The following RUNX2 variants were observed in gnomAD, a reference collection of about 807,000 sequenced individuals.
RUNX2 encodes runt-related transcription factor 2.
A neutral mutation model predicts 51.7 loss-of-function variants in RUNX2; 10 were observed. The observed-to-expected ratio is 0.19, with a 90% CI of 0.12 to 0.33. RUNX2 has a LOEUF of 0.33. Ranked by LOEUF, RUNX2 falls within the 10% of genes least tolerant of loss-of-function variation. RUNX2 has a pLI of 1.00. For missense variants in RUNX2, 562 were observed against 691.3 expected (o/e 0.81, Z 2.10); for synonymous variants, 276 against 273.6 (o/e 1.01, Z -0.09).
At chr6:45,386,636 G>T (rs1031949879) in intron 2 of RUNX2, among the ~76,000 whole-genome samples, 4 of 152,132 alleles carry the variant, frequency 2.6e-5, no homozygotes, top group East Asian at 1.9e-4. Flanking sequence ...TAAATGTTGG[G>T]TTTTTTTGTC....
intron 5 of RUNX2, among the ~76,000 whole-genome samples, chr6:45,485,693 G>GTATATATATATATATATATATA (rs1257977356): frequency 4.3e-4 from 44 of 101,816 alleles, no homozygotes; most frequent in African/African-American, 1.1e-3. Flanking sequence ...GTGTGTGTGT[G>GTATATATATATATATATATATA]TGTGTATATA....
At chr6:45,434,538 C>A (rs932069460) in intron 4 of RUNX2, among the ~76,000 whole-genome samples, 3 of 152,030 alleles carry the variant, frequency 2.0e-5, no homozygotes, top group Non-Finnish European at 4.4e-5. Flanking sequence ...CTGACTTTGA[C>A]TTTATGGGTC....
intron 2 of RUNX2, among the ~76,000 whole-genome samples, chr6:45,331,100 G>T (rs1787385019): frequency 7.2e-6 from 1 of 138,368 alleles, no homozygotes; most frequent in Non-Finnish European, 1.6e-5. Flanking sequence ...CAAATACAAT[G>T]AGTGGTGTGT....
chr6:45,454,704 T>C (rs1032198525), intron 5 of RUNX2, among the ~76,000 whole-genome samples: 2 of 152,228 alleles, frequency 1.3e-5, no homozygotes, highest in African/African-American at 4.8e-5. Context: ...GTATGTACTT[T>C]TGTTACAGCA....
At chr6:45,348,077 CT>C (rs1344884341) in intron 2 of RUNX2, among the ~76,000 whole-genome samples, 1 of 151,952 alleles carries the variant, frequency 6.6e-6, no homozygotes, top group African/African-American at 2.4e-5. Flanking sequence ...AAATGGCCTG[CT>C]TATGTCTAGC....
rs1802543540 is a variant in RUNX2, at chr6:45,550,833, A to T, written c.*3528A>T. The T allele has an allele frequency of 6.6e-6, 1 of 152,644 alleles. No individual in the cohort carries two copies. Among genetic ancestry groups the T allele is most frequent in the Admixed American group, 6.5e-5 (1 of 15,286 alleles). 9.5% of individuals were successfully genotyped at this position (152,644 alleles called of 1,614,324 possible). On this transcript the variant is annotated 3_prime_UTR_variant, in exon 9 of 9. Transcript: ENST00000647337. ...AAAAATATTTGTAGCATTTTGTGTAAATACAAGCTTTCATTTTTATTTTTT... is the reference window on the plus strand; with the variant it reads ...AAAAATATTTGTAGCATTTTGTGTATATACAAGCTTTCATTTTTATTTTTT...
At chr6:45,452,587 C>T (rs1347539389) in intron 5 of RUNX2, among the ~76,000 whole-genome samples, 2 of 152,052 alleles carry the variant, frequency 1.3e-5, no homozygotes, top group African/African-American at 4.8e-5. Context: ...ATTAGTACAC[C>T]TGCACATGGT....
At chr6:45,530,842 G>A (rs1422812046) in intron 7 of RUNX2, among the ~76,000 whole-genome samples, 1 of 152,176 alleles carries the variant, frequency 6.6e-6, no homozygotes, top group Non-Finnish European at 1.5e-5. Context: ...TAGAACCTCA[G>A]ACAAATTAAG....
At chr6:45,378,411 A>G (rs1284657163) in intron 2 of RUNX2, among the ~76,000 whole-genome samples, 1 of 152,144 alleles carries the variant, frequency 6.6e-6, no homozygotes, top group African/African-American at 2.4e-5. Flanking sequence ...CGCGTTTACA[A>G]TGGTGAAGGG....
At chr6:45,527,926 C>T (rs867445118) in intron 7 of RUNX2, among the ~76,000 whole-genome samples, 1 of 151,968 alleles carries the variant, frequency 6.6e-6, no homozygotes, top group Non-Finnish European at 1.5e-5. Context: ...AAAGACATAC[C>T]CAAGAACTGA....
At chr6:45,542,920 A>T (rs1164551570) in intron 7 of RUNX2, among the ~76,000 whole-genome samples, 1 of 152,196 alleles carries the variant, frequency 6.6e-6, no homozygotes, top group Non-Finnish European at 1.5e-5. Context: ...TTTGTCAAAC[A>T]GGGGTTAGAT....
chr6:45,342,007 A>C (rs144071310), intron 2 of RUNX2, among the ~76,000 whole-genome samples: 5,204 of 152,246 alleles, frequency 0.034, 135 homozygotes, highest in Admixed American at 0.072. Context: ...GCATTAAAAA[A>C]AAACGGAGAC....
At chr6:45,353,877 G>A (rs1792589485) in intron 2 of RUNX2, among the ~76,000 whole-genome samples, 1 of 149,414 alleles carries the variant, frequency 6.7e-6, no homozygotes. Context: ...ATCAACCAAA[G>A]GTCAGTGCCT....
rs934455959 is a variant in RUNX2, at chr6:45,430,044, A to G, written c.424-1819A>G. On this transcript the variant is annotated intron_variant, in intron 3 of 8. Coordinates refer to ENST00000647337, the MANE Select transcript of RUNX2 (RefSeq NM_001024630.4). ...GGGAGGTGGAGGTTGCAGTGAGCCG[A>G]GATCGTGCCACTGCACTCTAGCCTG... Among the ~76,000 whole-genome samples the G allele has an allele frequency of 3.3e-5, 5 of 151,804 alleles. No homozygotes were observed. The East Asian group carries it at 9.7e-4, about 29-fold the overall frequency.
At chr6:45,362,291 A>G (rs1794397410) in intron 2 of RUNX2, among the ~76,000 whole-genome samples, 1 of 152,200 alleles carries the variant, frequency 6.6e-6, no homozygotes. Context: ...TTATTTAGAC[A>G]CCAGGGAGCC....
intron 8 of RUNX2, 69 bp from the exon 9 acceptor site, chr6:45,546,758 T>TA: frequency 7.5e-7 from 1 of 1,342,084 alleles, no homozygotes; most frequent in Non-Finnish European, 1.1e-6. Flanking sequence ...TTTTTTCTTG[T>TA]AACAATTCTA....
At chr6:45,431,638 T>C (rs765365232) in intron 3 of RUNX2, among the ~76,000 whole-genome samples, 3 of 152,144 alleles carry the variant, frequency 2.0e-5, no homozygotes, top group Non-Finnish European at 4.4e-5. Context: ...CAACAACAAA[T>C]GAAAGAAGTT....
chr6:45,486,845 G>A (rs184387713), intron 5 of RUNX2, among the ~76,000 whole-genome samples: 1 of 152,302 alleles, frequency 6.6e-6, no homozygotes, highest in Admixed American at 6.5e-5. Flanking sequence ...ATCACACAGA[G>A]TCAAGTTTAC....
intron 7 of RUNX2, among the ~76,000 whole-genome samples, chr6:45,535,249 A>T (rs966986722): frequency 7.4e-5 from 11 of 149,480 alleles, no homozygotes; most frequent in Admixed American, 6.0e-4. Context: ...TAAAAGTTAA[A>T]TTAAAAAAAA....
Sources: gnomAD v4.1 joint callset for allele counts (sites outside exome capture counted in the v4.1 genomes callset) on GRCh38, gnomAD v4.1.1 for gene constraint, MANE v1.5 for transcripts, NCBI Gene and HGNC (gene_info 2026-07-23, HGNC 2026-07-21) for gene names.